MOB1B: variants seen among roughly 807,000 people sequenced by gnomAD.
MOB1B encodes the protein MOB kinase activator 1B.
MOB1B carries 19 observed loss-of-function variants against 24.4 expected under a neutral mutation model. That is an observed-to-expected ratio of 0.78 (90% confidence interval 0.54 to 1.14). The LOEUF is 1.14. Among genes scored for constraint, MOB1B ranks in the 50% most tolerant of loss-of-function variants. MOB1B has a pLI of 0.00. For missense variants in MOB1B, 243 were observed against 259.6 expected (o/e 0.94, Z 0.44); for synonymous variants, 76 against 82.1 (o/e 0.93, Z 0.40).
intron 2 of MOB1B, 143 bp from the exon 3 acceptor site, chr4:70,969,788 T>A: frequency 1.6e-5 from 7 of 428,156 alleles, no homozygotes; most frequent in Middle Eastern, 3.4e-4. Context: ...CTCATTTCAA[T>A]GTATTGATAC....
At chr4:70,968,502 G>A (rs1738628150) in intron 2 of MOB1B, among the ~76,000 whole-genome samples, 1 of 151,946 alleles carries the variant, frequency 6.6e-6, no homozygotes. Flanking sequence ...GTAGAGACAA[G>A]GTTTCTCTAT....
At chr4:70,919,368 T>G (rs1390463404) in intron 1 of MOB1B, among the ~76,000 whole-genome samples, 1 of 151,714 alleles carries the variant, frequency 6.6e-6, no homozygotes, top group African/African-American at 2.4e-5. Context: ...GAATTCCAGA[T>G]TCCCGTAAAT....
chr4:70,975,137 T>TA lies in MOB1B; in HGVS notation c.276-15dup. 1 of 1,579,486 alleles carries TA rather than the reference T, an allele frequency of 6.3e-7. No individual in the cohort carries two copies. The highest frequency in any genetic ancestry group is 8.6e-7 in the Non-Finnish European group (1 of 1,167,062). On this transcript the variant is annotated splice_polypyrimidine_tract_variant and intron_variant, in intron 3 of 5. Coordinates refer to ENST00000309395, the MANE Select transcript of MOB1B (RefSeq NM_173468.4). ...ATATACTAATCTTCTGTGTGCTTTT[T>TA]ATCTCTCCAATGCAGATATGAGTAT...
At chr4:70,946,818 G>A (rs1282802291) in intron 1 of MOB1B, among the ~76,000 whole-genome samples, 3 of 151,878 alleles carry the variant, frequency 2.0e-5, no homozygotes, top group Non-Finnish European at 2.9e-5. Flanking sequence ...AAACAGAAGG[G>A]GAAGGAAAAA....
chr4:70,971,902 C>G (rs1424687146), intron 3 of MOB1B, among the ~76,000 whole-genome samples: 1 of 151,854 alleles, frequency 6.6e-6, no homozygotes, highest in East Asian at 1.9e-4. Context: ...TCTTTCTCTT[C>G]TTTCTTCCTT....
At chr4:70,920,444 C>G (rs191568225) in intron 1 of MOB1B, among the ~76,000 whole-genome samples, 1 of 152,096 alleles carries the variant, frequency 6.6e-6, no homozygotes. Flanking sequence ...AGGCTGGTCT[C>G]GTACTCCTGA....
intron 1 of MOB1B, among the ~76,000 whole-genome samples, chr4:70,951,062 A>G (rs956905480): frequency 6.6e-6 from 1 of 152,210 alleles, no homozygotes; most frequent in Non-Finnish European, 1.5e-5. Context: ...TTATTTTACA[A>G]TCATTTGTGT....
Position 70,977,050 on chromosome 4 carries a change from G to A in MOB1B, c.409+1764G>A, listed in dbSNP as rs189026530. Among the ~76,000 whole-genome samples the A allele has an allele frequency of 3.3e-5, 5 of 151,660 alleles. No individual in the cohort carries two copies. The East Asian group carries it at 9.7e-4, about 29-fold the overall frequency. ...CCTAAACTGTTTGAGAGTAAGTTGC[G>A]TATATGATGCCTTTAAAAACTTTAA... On this transcript the variant is annotated intron_variant, in intron 4 of 5. Coordinates refer to ENST00000309395, the MANE Select transcript of MOB1B (RefSeq NM_173468.4).
At chr4:70,970,425 T>C (rs1385023618) in intron 3 of MOB1B, among the ~76,000 whole-genome samples, 4 of 152,256 alleles carry the variant, frequency 2.6e-5, no homozygotes, top group Non-Finnish European at 5.9e-5. Context: ...CCTTCTGATT[T>C]CATCAGACTA....
At chr4:70,910,151 C>T (rs1354905458) in intron 1 of MOB1B, among the ~76,000 whole-genome samples, 1 of 151,964 alleles carries the variant, frequency 6.6e-6, no homozygotes, top group African/African-American at 2.4e-5. Flanking sequence ...AGTGACTGTC[C>T]TGCCTCCGCC....
At chr4:70,944,109 A>G (rs1453451905) in intron 1 of MOB1B, among the ~76,000 whole-genome samples, 1 of 151,982 alleles carries the variant, frequency 6.6e-6, no homozygotes, top group East Asian at 1.9e-4. Context: ...ATCTTGGCTC[A>G]TTTCAACCTC....
intron 1 of MOB1B, among the ~76,000 whole-genome samples, chr4:70,922,307 T>C (rs2148873869): frequency 6.6e-6 from 1 of 152,370 alleles, no homozygotes; most frequent in Middle Eastern, 3.4e-3. Context: ...TTTAAGATTT[T>C]AATTTACACA....
At position 70,902,479 on chromosome 4, in the gene MOB1B, G is replaced by A. The variant is rs1002938978; in HGVS notation, c.-58G>A. On this transcript the variant is annotated 5_prime_UTR_variant, in exon 1 of 6. Transcript: ENST00000309395. ...CATTCGCCTTTCCTCTTCTTTCCTG[G>A]CCCACGCCGCTCCGAGGCCTCGCGA... The A allele has an allele frequency of 2.1e-5, 32 of 1,542,828 alleles. No homozygotes were observed. Among genetic ancestry groups the A allele is most frequent in the Non-Finnish European group, 2.6e-6 (3 of 1,139,906 alleles).
chr4:70,970,880 A>C (rs1428894082), intron 3 of MOB1B, among the ~76,000 whole-genome samples: 2 of 152,262 alleles, frequency 1.3e-5, no homozygotes, highest in Non-Finnish European at 2.9e-5. Flanking sequence ...AGAGAAAGGA[A>C]GACTGCACTA....
At chr4:70,905,486 A>G (rs1022536337) in intron 1 of MOB1B, among the ~76,000 whole-genome samples, 9 of 151,256 alleles carry the variant, frequency 6.0e-5, no homozygotes, top group Non-Finnish European at 1.2e-4. Flanking sequence ...CAAACAATCC[A>G]CTCATCTTTG....
At chr4:70,946,865 A>G (rs192077646) in intron 1 of MOB1B, among the ~76,000 whole-genome samples, 75 of 152,314 alleles carry the variant, frequency 4.9e-4, no homozygotes, top group Non-Finnish European at 7.9e-4. Context: ...AAGTGGTTAC[A>G]TTCTTGTGAG....
chr4:70,957,522 C>T lies in MOB1B; in HGVS notation c.15-1352C>T, dbSNP rs576278569. ...GATCATTGCTCACTGCAGTCTTGAA[C>T]TCTTTGGGCTTAAGCTATCCTTTGG... On this transcript the variant is annotated intron_variant, in intron 1 of 5. Transcript: ENST00000309395. Among the ~76,000 whole-genome samples, 11 of 151,360 alleles carry T rather than the reference C, an allele frequency of 7.3e-5. No homozygotes were observed. In the East Asian group the frequency reaches 2.1e-3, roughly 29 times the overall value.
chr4:70,981,532 C>T (rs1489787972), intron 5 of MOB1B, among the ~76,000 whole-genome samples: 1 of 152,186 alleles, frequency 6.6e-6, no homozygotes, highest in Non-Finnish European at 1.5e-5. Context: ...CTTGCAGATA[C>T]GTTAGTTTGT....
chr4:70,962,031 G>A (rs554802360), intron 2 of MOB1B, among the ~76,000 whole-genome samples: 1 of 152,138 alleles, frequency 6.6e-6, no homozygotes, highest in African/African-American at 2.4e-5. Context: ...TTTGTGACTA[G>A]CCTGGGCAAA....
Sources: gnomAD v4.1 joint callset for allele counts (sites outside exome capture counted in the v4.1 genomes callset) on GRCh38, gnomAD v4.1.1 for gene constraint, MANE v1.5 for transcripts, NCBI Gene and HGNC (gene_info 2026-07-23, HGNC 2026-07-21) for gene names.